TBC1D9B: variants seen among roughly 807,000 people sequenced by gnomAD.
TBC1D9B encodes TBC1 domain family member 9B.
In TBC1D9B, 87 loss-of-function variants were observed where a neutral mutation model predicts 121.1. The ratio of observed to expected loss-of-function variants is 0.72; its 90% confidence interval spans 0.60 to 0.86. The LOEUF (loss-of-function observed/expected upper bound fraction) is 0.86. Among genes scored for constraint, TBC1D9B ranks in the 40% least tolerant of loss-of-function variants. The probability of loss-of-function intolerance (pLI) is 0.00; values close to 1 mark genes in which losing one functional copy is unlikely to be tolerated. For synonymous variants in TBC1D9B, 668 were observed against 670.1 expected (o/e 1.00, Z 0.05); for missense variants, 1,540 against 1,628.6 (o/e 0.95, Z 0.94).
At position 179,866,389 on chromosome 5, in the gene TBC1D9B, C is replaced by T. The variant is rs77750578; in HGVS notation, c.2864-501G>A. ...GGGAGGACATTTGCCGGAACTGGCG[C>T]GCACTATACTCCCTGCGTGGGAACA... On this transcript the variant is annotated intron_variant, in intron 18 of 20. Transcript: ENST00000355235. The T allele has an allele frequency of 2.4e-3, 371 of 154,904 alleles. 1 individual carries two copies. Among genetic ancestry groups the T allele is most frequent in the African/African-American group, 8.6e-3 (359 of 41,586 alleles). The allele number at this position is 154,904 out of a possible 1,614,324, so 9.6% of individuals were successfully genotyped here.
chr5:179,901,056 TCTC>T (rs1561649856), intron 2 of TBC1D9B, among the ~76,000 whole-genome samples: 1 of 151,870 alleles, frequency 6.6e-6, no homozygotes, highest in Non-Finnish European at 1.5e-5. Flanking sequence ...CTTTGTCAAA[TCTC>T]CTCAAGCAGA....
In TBC1D9B at chr5:179,907,242, T is replaced by C. The variant is rs1199071959; in HGVS notation, c.118+462A>G. On this transcript the variant is annotated intron_variant, in intron 1 of 20. Transcript: ENST00000355235. This position sits in a 1 kb window ranked among gnomAD's most constrained non-coding sequence, Gnocchi z 5.3. Reference sequence around the variant, plus strand: ...TGATCTTGCTAAAAGGGCGATACTTTGGTGAGATGGGCACGAAGAAGAGGG... The same window carrying C: ...TGATCTTGCTAAAAGGGCGATACTTCGGTGAGATGGGCACGAAGAAGAGGG... 1.3e-5 allele frequency among the ~76,000 whole-genome samples: 2 copies of C among 152,012 alleles called. No homozygotes were observed. Among genetic ancestry groups the C allele is most frequent in the Non-Finnish European group, 2.9e-5 (2 of 67,958 alleles).
intron 2 of TBC1D9B, among the ~76,000 whole-genome samples, chr5:179,900,873 G>T (rs528637820): frequency 6.6e-6 from 1 of 152,252 alleles, no homozygotes; most frequent in East Asian, 1.9e-4. Flanking sequence ...CGTCTCTGCT[G>T]GCACGCCTGC....
chr5:179,893,094 G>A, intron 5 of TBC1D9B, 115 bp downstream of exon 5: 1 of 1,421,848 alleles, frequency 7.0e-7, no homozygotes, highest in Non-Finnish European at 9.3e-7. Flanking sequence ...GGGAGCCCAT[G>A]AGGGGTGAAT....
chr5:179,872,231 T>A (rs1177120380), intron 14 of TBC1D9B: 1 of 157,544 alleles, frequency 6.3e-6, no homozygotes, highest in Admixed American at 6.1e-5. Flanking sequence ...GAGTGAGGGA[T>A]ACTCATTTGG....
At chr5:179,884,373 T>C (rs1760620118) in intron 7 of TBC1D9B, 1 of 152,350 alleles carries the variant, frequency 6.6e-6, no homozygotes, top group East Asian at 1.9e-4. Flanking sequence ...TCAGCACAGC[T>C]ACTGGCTCTG....
intron 14 of TBC1D9B, chr5:179,872,591 A>C: frequency 1.5e-5 from 6 of 411,244 alleles, no homozygotes; most frequent in African/African-American, 2.0e-5. Context: ...GGGGCAGGGA[A>C]CACATGGGAA....
intron 7 of TBC1D9B, among the ~76,000 whole-genome samples, chr5:179,882,196 C>A (rs1029545194): frequency 6.6e-6 from 1 of 152,214 alleles, no homozygotes; most frequent in African/African-American, 2.4e-5. Flanking sequence ...CCGCCTGCCT[C>A]GGCCTCCCAA....
chr5:179,889,396 G>T (rs1454174190), intron 6 of TBC1D9B, among the ~76,000 whole-genome samples: 1 of 152,066 alleles, frequency 6.6e-6, no homozygotes, highest in African/African-American at 2.4e-5. Flanking sequence ...GGTCTGAGAG[G>T]GGGAGAGGCG....
chr5:179,887,730 G>A (rs115748245), intron 7 of TBC1D9B: 19 of 282,238 alleles, frequency 6.7e-5, no homozygotes, highest in South Asian at 1.2e-4. Context: ...CAGTTCTACC[G>A]TCAAGAACTT....
In TBC1D9B at chr5:179,875,566, G is replaced by A. The variant is rs1215070512; in HGVS notation, c.1900+354C>T. Among the ~76,000 whole-genome samples, 1 of 152,140 alleles carries A rather than the reference G, an allele frequency of 6.6e-6. No homozygotes were observed. Among genetic ancestry groups the A allele is most frequent in the African/African-American group, 2.4e-5 (1 of 41,426 alleles). On this transcript the variant is annotated intron_variant, in intron 11 of 20. Coordinates refer to ENST00000355235, the MANE Select transcript of TBC1D9B (RefSeq NM_015043.4). This position sits in a 1 kb window ranked among gnomAD's most constrained non-coding sequence, Gnocchi z 4.5. Reference sequence around the variant, plus strand: ...ACACCAGACAGCAGGGGAAGGACAGGATAACATGCTTAAATATGAACCTAA... The same window carrying A: ...ACACCAGACAGCAGGGGAAGGACAGAATAACATGCTTAAATATGAACCTAA...
rs756699444 is a variant in TBC1D9B at position 179,867,796 on chromosome 5, C to G, written c.2845G>C (p.Glu949Gln). ...SALEAAHYFT[E>Q]DSSSEEALPQ... ...CGCTCACCTTCTGAGGAGCTGTCCTCTGTGAAATAATGGGCCGCCTCCAGG... is the reference window on the plus strand; with the variant it reads ...CGCTCACCTTCTGAGGAGCTGTCCTGTGTGAAATAATGGGCCGCCTCCAGG... Residue 949 changes from glutamate (E) to glutamine (Q), a missense_variant, in exon 18 of 21, where the codon GAG becomes CAG. By Grantham distance (29) the Glu-to-Gln change is conservative. Transcript: ENST00000355235. The G allele has an allele frequency of 1.0e-4, 155 of 1,550,044 alleles. No homozygotes were observed. Among genetic ancestry groups the G allele is most frequent in the Non-Finnish European group, 1.3e-4 (154 of 1,146,824 alleles).
intron 5 of TBC1D9B, among the ~76,000 whole-genome samples, chr5:179,892,549 C>T (rs749503045): frequency 6.6e-6 from 1 of 152,210 alleles, no homozygotes; most frequent in Non-Finnish European, 1.5e-5. Flanking sequence ...TTAAGTAGCC[C>T]GGGAGGGCTG....
At chr5:179,889,898 C>T (rs982536136) in intron 6 of TBC1D9B, among the ~76,000 whole-genome samples, 1 of 120,574 alleles carries the variant, frequency 8.3e-6, no homozygotes, top group Non-Finnish European at 1.7e-5. Context: ...AAAAAAAAGG[C>T]GGGGGTTGGG....
chr5:179,879,358 C>T (rs986450613), intron 8 of TBC1D9B, 161 bp from the exon 9 acceptor site: 51 of 1,210,212 alleles, frequency 4.2e-5, no homozygotes, highest in Non-Finnish European at 5.7e-5. Flanking sequence ...TGAGCCACAC[C>T]TCCCAAGGCT....
Position 179,865,102 on chromosome 5 carries a change from G to T in TBC1D9B, c.3021+152C>A. On this transcript the variant is annotated intron_variant, in intron 20 of 20. Transcript: ENST00000355235. This position sits in a 1 kb window ranked among gnomAD's most constrained non-coding sequence, Gnocchi z 5.1. Reference sequence around the variant, plus strand: ...GGCCTCTTGTCTTTCTGGAATCATCGCTGACTGGCAACCAGGACTAACGGG... The same window carrying T: ...GGCCTCTTGTCTTTCTGGAATCATCTCTGACTGGCAACCAGGACTAACGGG... 1.5e-6 allele frequency: 1 copy of T among 681,168 alleles called. No homozygotes were observed. The highest frequency in any genetic ancestry group is 2.5e-6 in the Non-Finnish European group (1 of 396,290). 42.2% of individuals were successfully genotyped at this position (681,168 alleles called of 1,614,324 possible). A position where few individuals can be genotyped will look rare whatever the true frequency, so the allele number is the denominator to read the frequency against.
chr5:179,875,893 G>C lies in TBC1D9B; in HGVS notation c.1900+27C>G. 6.4e-7 allele frequency: 1 copy of C among 1,561,554 alleles called. No individual in the cohort carries two copies. The highest frequency in any genetic ancestry group is 8.7e-7 in the Non-Finnish European group (1 of 1,151,768). ...GAACCAGCAGGCACCTGGAGACCCA[G>C]GCGAGGCAGCACCCGGGGACACTCA... On this transcript the variant is annotated intron_variant, in intron 11 of 20. Transcript: ENST00000355235. The surrounding 1 kb of genome is among the most constrained non-coding windows in gnomAD (Gnocchi z 4.5).
chr5:179,901,237 C>CA (rs1554098069), intron 2 of TBC1D9B, among the ~76,000 whole-genome samples: 1 of 151,676 alleles, frequency 6.6e-6, no homozygotes, highest in Non-Finnish European at 1.5e-5. Context: ...TCACTTTAAA[C>CA]TTTTTTTTTC....
At chr5:179,878,269 G>A in intron 10 of TBC1D9B, 40 bp downstream of exon 10, 3 of 1,577,536 alleles carry the variant, frequency 1.9e-6, no homozygotes, top group South Asian at 1.2e-5. Flanking sequence ...TGAACCTCTG[G>A]TGGCAGATGC....
Sources: allele counts gnomAD v4.1 joint callset (sites outside exome capture counted in the v4.1 genomes callset), GRCh38; gene constraint gnomAD v4.1.1; non-coding constraint Gnocchi (gnomAD v3.1); transcripts MANE v1.5; gene names NCBI Gene and HGNC (gene_info 2026-07-23, HGNC 2026-07-21).